Variants in PDE1A observed in about 807,000 individuals in gnomAD.
PDE1A encodes the protein dual specificity calcium/calmodulin-dependent 3',5'-cyclic nucleotide phosphodiesterase 1A.
A neutral mutation model predicts 61.7 loss-of-function variants in PDE1A; 35 were observed. That is an observed-to-expected ratio of 0.57 (90% CI 0.43 to 0.75). The LOEUF is 0.75. PDE1A is among the 30% of genes least tolerant of loss of function. The pLI, the probability that PDE1A is intolerant of heterozygous loss-of-function variation, is 0.00. For synonymous variants in PDE1A, 232 were observed against 213.2 expected, an observed-to-expected ratio of 1.09 and a Z score of -0.77; for missense variants, 597 against 630.6, an observed-to-expected ratio of 0.95 and a Z score of 0.57.
chr2:182,661,788 A>G, the PDE1A span, among the ~76,000 whole-genome samples: 1 of 152,194 alleles, frequency 6.6e-6, no homozygotes, highest in Non-Finnish European at 1.5e-5. Flanking sequence ...TTTAAGAAAT[A>G]TCCTTTGTAA....
intron 1 of PDE1A, among the ~76,000 whole-genome samples, chr2:182,412,830 A>T (rs1395629579): frequency 6.6e-6 from 1 of 152,232 alleles, no homozygotes; most frequent in Admixed American, 6.5e-5. Context: ...GAAATAGGAC[A>T]TGCATTAAAC....
intron 1 of PDE1A, among the ~76,000 whole-genome samples, chr2:182,388,042 C>T (rs556740384): frequency 1.3e-5 from 2 of 152,072 alleles, no homozygotes; most frequent in Non-Finnish European, 2.9e-5. Context: ...TATACCTATA[C>T]AGACAAAATA....
chr2:182,425,241 C>T (rs1436609589), intron 1 of PDE1A, among the ~76,000 whole-genome samples: 2 of 152,128 alleles, frequency 1.3e-5, no homozygotes, highest in Non-Finnish European at 2.9e-5. Flanking sequence ...GTGAGTTGTG[C>T]CTCACTGGTG....
the PDE1A span, among the ~76,000 whole-genome samples, chr2:182,578,287 T>TA: frequency 6.6e-6 from 1 of 152,088 alleles, no homozygotes; most frequent in Non-Finnish European, 1.5e-5. Flanking sequence ...CTGAGTTTCT[T>TA]ACAAAGCAAA....
chr2:182,545,070 A>T, the PDE1A span, among the ~76,000 whole-genome samples: 1 of 152,122 alleles, frequency 6.6e-6, no homozygotes, highest in Non-Finnish European at 1.5e-5. Context: ...TAGTTATTAG[A>T]TGTGCCATGT....
At chr2:182,712,635 C>A in the PDE1A span, among the ~76,000 whole-genome samples, 1 of 152,132 alleles carries the variant, frequency 6.6e-6, no homozygotes, top group African/African-American at 2.4e-5. Flanking sequence ...CTGCTCACTG[C>A]AAGCTCCGCC....
the PDE1A span, among the ~76,000 whole-genome samples, chr2:182,559,518 A>G: frequency 1.3e-5 from 2 of 152,214 alleles, no homozygotes; most frequent in Non-Finnish European, 2.9e-5. Context: ...GAATTCTCTG[A>G]CATTGCTTGT....
At chr2:182,555,832 T>C in the PDE1A span, among the ~76,000 whole-genome samples, 1 of 151,632 alleles carries the variant, frequency 6.6e-6, no homozygotes, top group African/African-American at 2.4e-5. Context: ...CCAGATATGG[T>C]GGCAGGCACC....
At chr2:182,151,163 T>C (rs747114877) in intron 13 of PDE1A, among the ~76,000 whole-genome samples, 4 of 152,150 alleles carry the variant, frequency 2.6e-5, no homozygotes, top group Non-Finnish European at 4.4e-5. Context: ...TCTCAGCCCA[T>C]TGCAACCTCC....
chr2:182,163,140 A>C (rs1691477330), downstream of PDE1A, among the ~76,000 whole-genome samples: 2 of 152,128 alleles, frequency 1.3e-5, no homozygotes, highest in Non-Finnish European at 2.9e-5. Context: ...GGAGAATGGC[A>C]ATGGCTTATT....
At chr2:182,671,403 T>C in the PDE1A span, among the ~76,000 whole-genome samples, 1 of 141,696 alleles carries the variant, frequency 7.1e-6, no homozygotes, top group East Asian at 2.2e-4. Flanking sequence ...TTAGCTAGGA[T>C]GGTCTCAATT....
intron 1 of PDE1A, among the ~76,000 whole-genome samples, chr2:182,343,579 CAGCCTAATTGACA>C (rs1698332418): frequency 6.6e-6 from 1 of 152,116 alleles, no homozygotes; most frequent in South Asian, 2.1e-4. Flanking sequence ...AAACATTTTG[CAGCCTAATTGACA>C]AGGTTAGCAT....
At chr2:182,312,417 T>C (rs1042059280) in intron 1 of PDE1A, among the ~76,000 whole-genome samples, 1 of 152,194 alleles carries the variant, frequency 6.6e-6, no homozygotes, top group Non-Finnish European at 1.5e-5. Flanking sequence ...TTCTCCTAGA[T>C]GTTTTATAGT....
intron 1 of PDE1A, among the ~76,000 whole-genome samples, chr2:182,303,874 T>C (rs111522925): frequency 0.011 from 1,633 of 151,508 alleles, 25 homozygotes; most frequent in South Asian, 0.073. Context: ...TTTTATGTTA[T>C]AGAGATGGCT....
chr2:182,395,436 T>A (rs1436534311), intron 1 of PDE1A, among the ~76,000 whole-genome samples: 1 of 152,214 alleles, frequency 6.6e-6, no homozygotes, highest in Non-Finnish European at 1.5e-5. Flanking sequence ...TAAATCTAAC[T>A]AAAATTCAGG....
At chr2:182,145,944 A>G (rs1690471742), downstream of PDE1A, among the ~76,000 whole-genome samples, 2 of 152,198 alleles carry the variant, frequency 1.3e-5, no homozygotes, top group African/African-American at 2.4e-5. Flanking sequence ...ACAGCTGTGG[A>G]ACTAATAATA....
chr2:182,497,441 G>A (rs1461085379), intron 2 of PDE1A, among the ~76,000 whole-genome samples: 3 of 152,204 alleles, frequency 2.0e-5, no homozygotes, highest in Non-Finnish European at 4.4e-5. Context: ...GACAAGGTAA[G>A]TCCTTAATTT....
chr2:182,215,577 AGG>A (rs1280084935), intron 7 of PDE1A, among the ~76,000 whole-genome samples: 2 of 147,566 alleles, frequency 1.4e-5, no homozygotes, highest in African/African-American at 5.0e-5. Flanking sequence ...AAAATGATAA[AGG>A]GGATATCACC....
At chr2:182,465,328 A>T (rs1686584065) in intron 2 of PDE1A, among the ~76,000 whole-genome samples, 1 of 152,124 alleles carries the variant, frequency 6.6e-6, no homozygotes, top group South Asian at 2.1e-4. Flanking sequence ...CTTTCCAAAC[A>T]TGCATACAAA....
Sources: gnomAD v4.1 joint callset for allele counts (sites outside exome capture counted in the v4.1 genomes callset) on GRCh38, gnomAD v4.1.1 for gene constraint, MANE v1.5 for transcripts, NCBI Gene and HGNC (gene_info 2026-07-23, HGNC 2026-07-21) for gene names.